Variants in FMNL2 observed in about 807,000 individuals in gnomAD.
FMNL2 encodes the protein formin like 2.
Under a neutral mutation model 130.2 loss-of-function variants are expected in FMNL2, and 51 were observed. That is an observed-to-expected ratio of 0.39 (90% CI 0.31 to 0.49). FMNL2 has a LOEUF of 0.49. Ranked by LOEUF, FMNL2 falls within the 20% of genes least tolerant of loss-of-function variation. FMNL2 has a pLI of 0.85. For synonymous variants in FMNL2, 465 were observed against 467.1 expected, an observed-to-expected ratio of 1.00 and a Z score of 0.06; for missense variants, 977 against 1,316.2, an observed-to-expected ratio of 0.74 and a Z score of 3.99.
At chr2:152,644,891 A>T (rs753771838) in intron 25 of FMNL2, among the ~76,000 whole-genome samples, 17 of 152,238 alleles carry the variant, frequency 1.1e-4, no homozygotes, top group Non-Finnish European at 2.2e-4. Flanking sequence ...TTGATGCCTA[A>T]TAAGAAACGA....
chr2:152,510,627 G>C (rs1177245594), intron 1 of FMNL2, among the ~76,000 whole-genome samples: 1 of 152,218 alleles, frequency 6.6e-6, no homozygotes, highest in East Asian at 1.9e-4. Context: ...TTAATACCAG[G>C]ATGTCGTACA....
intron 9 of FMNL2, among the ~76,000 whole-genome samples, chr2:152,599,913 C>T: frequency 6.6e-6 from 1 of 152,326 alleles, no homozygotes; most frequent in East Asian, 1.9e-4. Context: ...GAGTGATCTG[C>T]TTCTGTCATG....
At chr2:152,548,072 G>A (rs1050809046) in intron 3 of FMNL2, among the ~76,000 whole-genome samples, 3 of 152,154 alleles carry the variant, frequency 2.0e-5, no homozygotes, top group South Asian at 2.1e-4. Context: ...AAGAAGCCCC[G>A]AGGGATTCCT....
chr2:152,597,897 A>G (rs1035100261), intron 9 of FMNL2, among the ~76,000 whole-genome samples: 2 of 152,316 alleles, frequency 1.3e-5, no homozygotes, highest in African/African-American at 2.4e-5. Flanking sequence ...TGTTAGGGTG[A>G]ACTTGGGGAA....
intron 1 of FMNL2, among the ~76,000 whole-genome samples, chr2:152,455,496 C>T (rs1423029296): frequency 6.6e-6 from 1 of 152,102 alleles, no homozygotes; most frequent in Admixed American, 6.5e-5. Flanking sequence ...AAGGAGCATT[C>T]AGGGTTTGGA....
chr2:152,577,012 T>C (rs907941637), intron 7 of FMNL2, among the ~76,000 whole-genome samples: 5 of 152,186 alleles, frequency 3.3e-5, no homozygotes, highest in African/African-American at 1.2e-4. Flanking sequence ...ATCTGACACT[T>C]GCATTTAACA....
chr2:152,479,708 G>A (rs932314018), intron 1 of FMNL2, among the ~76,000 whole-genome samples: 4 of 136,544 alleles, frequency 2.9e-5, no homozygotes, highest in Admixed American at 8.4e-5. Flanking sequence ...ATTCATGGAT[G>A]TTGTGGGTTG....
At chr2:152,457,805 G>A (rs1040150150) in intron 1 of FMNL2, among the ~76,000 whole-genome samples, 1 of 152,168 alleles carries the variant, frequency 6.6e-6, no homozygotes, top group African/African-American at 2.4e-5. Context: ...GGGCTCTAGG[G>A]GACAATCTGT....
intron 1 of FMNL2, among the ~76,000 whole-genome samples, chr2:152,393,905 T>C (rs943255370): frequency 5.9e-5 from 9 of 152,200 alleles, no homozygotes; most frequent in Non-Finnish European, 1.2e-4. Flanking sequence ...GTGAGTATTA[T>C]ATAGTTTTTT....
chr2:152,558,668 G>T (rs1695357300), intron 4 of FMNL2, 72 bp from the exon 5 acceptor site: 3 of 1,397,060 alleles, frequency 2.1e-6, no homozygotes, highest in African/African-American at 1.4e-5. Flanking sequence ...ACAAAACTTT[G>T]CATTGTGTCC....
At chr2:152,480,499 G>A (rs988046366) in intron 1 of FMNL2, among the ~76,000 whole-genome samples, 3 of 150,728 alleles carry the variant, frequency 2.0e-5, no homozygotes, top group Non-Finnish European at 4.4e-5. Flanking sequence ...GCAGGGCGGA[G>A]TGGCAGGTGC....
chr2:152,403,564 T>A (rs1417521467), intron 1 of FMNL2, among the ~76,000 whole-genome samples: 1 of 152,192 alleles, frequency 6.6e-6, no homozygotes, highest in Non-Finnish European at 1.5e-5. Context: ...ACTCATTTTT[T>A]TTTTTTAAGT....
intron 25 of FMNL2, chr2:152,645,358 C>G (rs1259959513): frequency 1.3e-6 from 1 of 758,876 alleles, no homozygotes; most frequent in Non-Finnish European, 1.9e-6. Flanking sequence ...ATGTTGAGCA[C>G]TAAGTTGAGT....
rs527669759 is a variant in FMNL2, at chr2:152,645,476, C to A, written c.3170-2320C>A. The A allele has an allele frequency of 3.9e-6, 5 of 1,290,066 alleles. No individual in the cohort carries two copies. The African/African-American group carries it at 6.1e-5, about 16-fold the overall frequency. 79.9% of individuals were successfully genotyped at this position (1,290,066 alleles called of 1,614,324 possible). On this transcript the variant is annotated intron_variant, in intron 25 of 25. Coordinates refer to ENST00000288670, the MANE Select transcript of FMNL2 (RefSeq NM_052905.4). ...ATCACTAAATTTCCAAATGTTCACT[C>A]GAGGGTAAGGATTTCTTCTAGCACA...
At chr2:152,345,253 T>C (rs1389010219) in intron 1 of FMNL2, among the ~76,000 whole-genome samples, 1 of 152,142 alleles carries the variant, frequency 6.6e-6, no homozygotes, top group African/African-American at 2.4e-5. Flanking sequence ...AATAATAGTT[T>C]TATTTTGGTG....
rs1015128544 is a variant in FMNL2 at position 152,402,369 on chromosome 2, T to G, written c.117+66649T>G. On this transcript the variant is annotated intron_variant, in intron 1 of 25. Coordinates refer to ENST00000288670, the MANE Select transcript of FMNL2 (RefSeq NM_052905.4). ...GGCCAGGCACATTCCCTGCTGTTTT[T>G]GGGGAGCGGGCTCCAGGATCCTTTC... Among the ~76,000 whole-genome samples the G allele has an allele frequency of 4.6e-5, 7 of 152,178 alleles. No homozygotes were observed. In the South Asian group the frequency reaches 1.5e-3, roughly 32 times the overall value.
chr2:152,378,612 T>A lies in FMNL2; in HGVS notation c.117+42892T>A, dbSNP rs1369971524. On this transcript the variant is annotated intron_variant, in intron 1 of 25. Transcript: ENST00000288670. ...TTCTCTTCCAAATCCCCTTCTTGCT[T>A]TCTTACTTATTAAGCATTGTCTGTG... 2.6e-5 allele frequency among the ~76,000 whole-genome samples: 4 copies of A among 152,318 alleles called. No homozygotes were observed. In the East Asian group the frequency reaches 7.7e-4, roughly 29 times the overall value.
At chr2:152,378,283 A>G (rs143434307) in intron 1 of FMNL2, among the ~76,000 whole-genome samples, 309 of 152,266 alleles carry the variant, frequency 2.0e-3, no homozygotes, top group African/African-American at 7.2e-3. Flanking sequence ...AATATGTTTG[A>G]ATTGAGTTTG....
intron 1 of FMNL2, among the ~76,000 whole-genome samples, chr2:152,350,333 C>G (rs909956249): frequency 1.4e-4 from 21 of 152,130 alleles, no homozygotes; most frequent in African/African-American, 3.4e-4. Context: ...CATGGGACAG[C>G]CTCAAGGTGG....
Sources: allele counts gnomAD v4.1 joint callset (sites outside exome capture counted in the v4.1 genomes callset), GRCh38; gene constraint gnomAD v4.1.1; transcripts MANE v1.5; gene names NCBI Gene and HGNC (gene_info 2026-07-23, HGNC 2026-07-21).